The following SLAIN2 variants were observed in gnomAD, a reference collection of about 807,000 sequenced individuals.
The protein encoded by SLAIN2 is SLAIN family member 2, also known as SLAIN motif-containing protein 2.
Under a neutral mutation model 56.6 loss-of-function variants are expected in SLAIN2, and 31 were observed. The ratio of observed to expected loss-of-function variants is 0.55; its 90% CI spans 0.41 to 0.74. The LOEUF is 0.74. Among genes scored for constraint, SLAIN2 ranks in the 30% least tolerant of loss-of-function variants. SLAIN2 has a pLI of 0.00. For missense variants in SLAIN2, 777 were observed against 754.2 expected, an observed-to-expected ratio of 1.03 and a Z score of -0.35; for synonymous variants, 317 against 284.9, an observed-to-expected ratio of 1.11 and a Z score of -1.13.
chr4:48,366,026 C>T (rs181848536), intron 1 of SLAIN2, among the ~76,000 whole-genome samples: 8 of 152,104 alleles, frequency 5.3e-5, no homozygotes, highest in Non-Finnish European at 1.2e-4. Context: ...TGTTTTTATT[C>T]AGTTCACAGT....
At chr4:48,359,296 A>G (rs1385715054) in intron 1 of SLAIN2, among the ~76,000 whole-genome samples, 1 of 152,200 alleles carries the variant, frequency 6.6e-6, no homozygotes, top group African/African-American at 2.4e-5. Flanking sequence ...GAGGGGGATG[A>G]TTTAGGGGTA....
At chr4:48,375,921 A>G (rs1715798177) in intron 2 of SLAIN2, among the ~76,000 whole-genome samples, 1 of 152,212 alleles carries the variant, frequency 6.6e-6, no homozygotes, top group South Asian at 2.1e-4. Flanking sequence ...CCTTCCAAAA[A>G]GCCTTACCCA....
In SLAIN2 at chr4:48,392,031, C is replaced by T. The variant is rs182345428; in HGVS notation, c.1360+8247C>T. On this transcript the variant is annotated intron_variant, in intron 6 of 7. Coordinates refer to ENST00000264313, the MANE Select transcript of SLAIN2 (RefSeq NM_020846.2). ...TAAACCATAAATATTTTCGAACAGC[C>T]AACACACTGAACTCTATTATTAGAA... Among the ~76,000 whole-genome samples, 15 of 152,212 alleles carry T rather than the reference C, an allele frequency of 9.9e-5. No individual in the cohort carries two copies. The East Asian group carries it at 2.9e-3, about 29-fold the overall frequency.
chr4:48,426,128 A>T lies in SLAIN2; in HGVS notation c.*4051A>T, dbSNP rs1344517693. 1 of 152,158 alleles carries T rather than the reference A, an allele frequency of 6.6e-6. No individual in the cohort carries two copies. The highest frequency in any genetic ancestry group is 1.5e-5 in the Non-Finnish European group (1 of 68,018). The allele number at this position is 152,158 out of a possible 1,614,324, so 9.4% of individuals were successfully genotyped here. On this transcript the variant is annotated 3_prime_UTR_variant, in exon 8 of 8. Transcript: ENST00000264313. Reference sequence around the variant, plus strand: ...TCCGTAACATGGTTATGACATGTTAAGTGGAAGGGTAGAAGGTCTTTTTTT... The same window carrying T: ...TCCGTAACATGGTTATGACATGTTATGTGGAAGGGTAGAAGGTCTTTTTTT...
chr4:48,395,810 C>CTTTTTTTTTTTTTTTTTTTTTTTTTTTTT (rs10649464), intron 6 of SLAIN2, among the ~76,000 whole-genome samples: 1 of 72,790 alleles, frequency 1.4e-5, no homozygotes, highest in African/African-American at 6.8e-5. Context: ...GAACCTTAGG[C>CTTTTTTTTTTTTTTTTTTTTTTTTTTTTT]TTTTTTTTTT....
rs1478962479 is a variant in SLAIN2, at chr4:48,382,764, A to G, written c.1059A>G (p.Ser353=). The change falls in exon 5 of 8, where the codon TCA becomes TCG. Residue 353 remains serine, a synonymous_variant. Coordinates refer to ENST00000264313, the MANE Select transcript of SLAIN2 (RefSeq NM_020846.2). ...CACCACGCAATTCACCTCGACCGTC[A>G]CCTAAGCAGTCACCCAGAAATTCAC... ...SPSPRNSPRP[S]PKQSPRNSPR... 1 of 1,613,634 alleles carries G rather than the reference A, an allele frequency of 6.2e-7. No individual in the cohort carries two copies. The highest frequency in any genetic ancestry group is 8.5e-7 in the Non-Finnish European group (1 of 1,179,880).
intron 4 of SLAIN2, among the ~76,000 whole-genome samples, chr4:48,380,714 T>C (rs1366163882): frequency 2.6e-5 from 4 of 152,160 alleles, no homozygotes; most frequent in Admixed American, 6.5e-5. Flanking sequence ...AAGCAATCTC[T>C]TCAACCTTTA....
intron 6 of SLAIN2, among the ~76,000 whole-genome samples, chr4:48,412,089 G>A (rs1716861703): frequency 6.6e-6 from 1 of 152,042 alleles, no homozygotes; most frequent in Admixed American, 6.6e-5. Context: ...TCTTGACATT[G>A]ACATTTTTTC....
At chr4:48,342,948 C>T (rs975928862) in intron 1 of SLAIN2, among the ~76,000 whole-genome samples, 1 of 151,866 alleles carries the variant, frequency 6.6e-6, no homozygotes, top group African/African-American at 2.4e-5. Context: ...GAAATTGTGG[C>T]CCCCCCACCT....
At chr4:48,410,913 G>C (rs1716827543) in intron 6 of SLAIN2, among the ~76,000 whole-genome samples, 1 of 152,192 alleles carries the variant, frequency 6.6e-6, no homozygotes, top group Non-Finnish European at 1.5e-5. Flanking sequence ...AGTTGCTGCA[G>C]AATGCAGCAA....
rs541537572 is a variant in SLAIN2 at position 48,366,072 on chromosome 4, T to C, written c.390-3777T>C. On this transcript the variant is annotated intron_variant, in intron 1 of 7. Coordinates refer to ENST00000264313, the MANE Select transcript of SLAIN2 (RefSeq NM_020846.2). ...TTCCCTTGTGATACATTGTTTGACC[T>C]TTGTTATTTGTAAGTATGTTGTTTA... is the stretch of plus-strand genomic sequence containing the variant. Among the ~76,000 whole-genome samples, 4 of 152,296 alleles carry C rather than the reference T, an allele frequency of 2.6e-5. No homozygotes were observed. The East Asian group carries it at 7.8e-4, about 30-fold the overall frequency.
chr4:48,380,156 A>C (rs1164216928), intron 4 of SLAIN2, among the ~76,000 whole-genome samples: 1 of 152,076 alleles, frequency 6.6e-6, no homozygotes, highest in African/African-American at 2.4e-5. Flanking sequence ...TGTAATTGTT[A>C]GTCTATTACC....
intron 1 of SLAIN2, among the ~76,000 whole-genome samples, chr4:48,354,904 T>C (rs1334858251): frequency 6.7e-6 from 1 of 150,274 alleles, no homozygotes; most frequent in African/African-American, 2.4e-5. Flanking sequence ...CTTTTCTTTT[T>C]TTCTTTTTTT....
rs766640562 is a variant in SLAIN2 at position 48,379,672 on chromosome 4, TC to T, written c.704-17del. Reference sequence around the variant, plus strand: ...TGCTTTACCAGAGTTTGAATTTTTTTCTTTTTTTTTTTTTAAGGTAACTTGA... The same window carrying T: ...TGCTTTACCAGAGTTTGAATTTTTTTTTTTTTTTTTTTTAAGGTAACTTGA... On this transcript the variant is annotated splice_polypyrimidine_tract_variant and intron_variant, in intron 3 of 7. Coordinates refer to ENST00000264313, the MANE Select transcript of SLAIN2 (RefSeq NM_020846.2). 2.1e-6 allele frequency: 3 copies of T among 1,396,782 alleles called. No individual in the cohort carries two copies. The highest frequency in any genetic ancestry group is 1.9e-6 in the Non-Finnish European group (2 of 1,068,198). 86.5% of individuals were successfully genotyped at this position (1,396,782 alleles called of 1,614,324 possible).
chr4:48,371,287 G>A (rs1320886056), intron 2 of SLAIN2, among the ~76,000 whole-genome samples: 1 of 151,844 alleles, frequency 6.6e-6, no homozygotes, highest in Non-Finnish European at 1.5e-5. Flanking sequence ...TAGCCAGGCT[G>A]GTCTTGAACT....
At chr4:48,368,297 G>C (rs892912601) in intron 1 of SLAIN2, among the ~76,000 whole-genome samples, 1 of 152,062 alleles carries the variant, frequency 6.6e-6, no homozygotes, top group Non-Finnish European at 1.5e-5. Context: ...CTGACCTCAG[G>C]TGATCCACCT....
intron 2 of SLAIN2, among the ~76,000 whole-genome samples, chr4:48,377,167 C>G (rs1410767033): frequency 6.6e-6 from 1 of 150,860 alleles, no homozygotes; most frequent in Non-Finnish European, 1.5e-5. Flanking sequence ...ATGGTGAGAC[C>G]ACATCTCTAC....
At chr4:48,378,393 A>G (rs1715882598) in intron 3 of SLAIN2, among the ~76,000 whole-genome samples, 1 of 152,226 alleles carries the variant, frequency 6.6e-6, no homozygotes, top group Non-Finnish European at 1.5e-5. Flanking sequence ...CTACAGAGTT[A>G]AAACCTCTTT....
chr4:48,362,644 C>T (rs956492982), intron 1 of SLAIN2, among the ~76,000 whole-genome samples: 1 of 149,506 alleles, frequency 6.7e-6, no homozygotes, highest in African/African-American at 2.5e-5. Context: ...TGGTCTCGAT[C>T]TACTGACCTT....
Sources: gnomAD v4.1 joint callset for allele counts (sites outside exome capture counted in the v4.1 genomes callset) on GRCh38, gnomAD v4.1.1 for gene constraint, MANE v1.5 for transcripts, NCBI Gene and HGNC (gene_info 2026-07-23, HGNC 2026-07-21) for gene names.